Variants in GPC5 observed in about 807,000 individuals in gnomAD.
GPC5 encodes glypican 5, also known as glypican-5.
In GPC5, 47 loss-of-function variants were observed where a neutral mutation model predicts 53.9. The observed-to-expected ratio is 0.87, with a 90% CI of 0.69 to 1.11. GPC5 has a LOEUF of 1.11. GPC5 is among the 50% of genes most tolerant of loss of function. The pLI, the probability that GPC5 is intolerant of heterozygous loss-of-function variation, is 0.00. For synonymous variants in GPC5, 286 were observed against 263.3 expected (o/e 1.09, Z -0.84); for missense variants, 748 against 713.1 (o/e 1.05, Z -0.56).
chr13:92,106,496 T>C (rs528588340), intron 6 of GPC5, among the ~76,000 whole-genome samples: 6 of 152,132 alleles, frequency 3.9e-5, no homozygotes, highest in African/African-American at 1.4e-4. Context: ...TCACGAAACA[T>C]GCTTAAGACA....
intron 6 of GPC5, among the ~76,000 whole-genome samples, chr13:92,089,101 G>A (rs1473300236): frequency 6.6e-6 from 1 of 152,136 alleles, no homozygotes; most frequent in Admixed American, 6.5e-5. Flanking sequence ...CGGAAAAATA[G>A]AAAATGTGTA....
At chr13:91,519,539 T>C (rs1415961499) in intron 2 of GPC5, among the ~76,000 whole-genome samples, 1 of 152,218 alleles carries the variant, frequency 6.6e-6, no homozygotes, top group Non-Finnish European at 1.5e-5. Context: ...TGTCTCCTTC[T>C]TCGGCCATGT....
intron 7 of GPC5, among the ~76,000 whole-genome samples, chr13:92,216,661 G>A (rs571378158): frequency 6.6e-6 from 1 of 152,128 alleles, no homozygotes; most frequent in Non-Finnish European, 1.5e-5. Flanking sequence ...TTACCAATGA[G>A]GGGAATGAAA....
chr13:92,220,573 A>C (rs533398021), intron 7 of GPC5, among the ~76,000 whole-genome samples: 1 of 152,336 alleles, frequency 6.6e-6, no homozygotes, highest in Admixed American at 6.5e-5. Context: ...ACTTAACTAT[A>C]CAGGCAACAG....
At chr13:91,679,360 A>G (rs1386823623) in intron 2 of GPC5, among the ~76,000 whole-genome samples, 2 of 152,134 alleles carry the variant, frequency 1.3e-5, no homozygotes, top group Non-Finnish European at 1.5e-5. Flanking sequence ...CAAAATAAGG[A>G]GGTCAGAAAG....
intron 7 of GPC5, among the ~76,000 whole-genome samples, chr13:92,188,712 TAAAA>T (rs1038992379): frequency 2.6e-5 from 4 of 152,202 alleles, no homozygotes; most frequent in African/African-American, 9.6e-5. Flanking sequence ...ATAAAATAAA[TAAAA>T]ATTCAGCAAT....
At chr13:92,240,140 T>A (rs2042600887) in intron 7 of GPC5, 1 of 152,134 alleles carries the variant, frequency 6.6e-6, no homozygotes, top group South Asian at 2.1e-4. Context: ...ACTATTCTAA[T>A]ACTGATGTTG....
At chr13:91,446,306 G>A (rs1880799366) in intron 1 of GPC5, among the ~76,000 whole-genome samples, 1 of 152,164 alleles carries the variant, frequency 6.6e-6, no homozygotes, top group Admixed American at 6.5e-5. Context: ...CACTACTGCT[G>A]CTTCTGGGTG....
intron 7 of GPC5, among the ~76,000 whole-genome samples, chr13:92,647,939 G>C (rs1397938317): frequency 6.6e-6 from 1 of 151,876 alleles, no homozygotes; most frequent in African/African-American, 2.4e-5. Context: ...TTGTTCCAAG[G>C]GGAGATTATT....
chr13:91,502,196 G>A (rs1027828698), intron 2 of GPC5, among the ~76,000 whole-genome samples: 1 of 151,960 alleles, frequency 6.6e-6, no homozygotes, highest in Non-Finnish European at 1.5e-5. Context: ...TCTGTAGGTT[G>A]CCTGTTCACT....
At chr13:92,333,602 G>A (rs2043302797) in intron 7 of GPC5, among the ~76,000 whole-genome samples, 1 of 152,030 alleles carries the variant, frequency 6.6e-6, no homozygotes, top group Non-Finnish European at 1.5e-5. Context: ...AAAAGACTGA[G>A]ACTGAATCAC....
At chr13:92,197,221 AATAAG>A (rs1285778614) in intron 7 of GPC5, among the ~76,000 whole-genome samples, 1 of 152,152 alleles carries the variant, frequency 6.6e-6, no homozygotes, top group Non-Finnish European at 1.5e-5. Flanking sequence ...AAAAAAAAAT[AATAAG>A]ATAAAAACCC....
intron 1 of GPC5, among the ~76,000 whole-genome samples, chr13:91,441,780 G>C (rs1880452284): frequency 6.6e-6 from 1 of 152,140 alleles, no homozygotes. Context: ...TGTATACAAA[G>C]AAGATAGTCT....
At chr13:91,523,738 C>T (rs1413667044) in intron 2 of GPC5, among the ~76,000 whole-genome samples, 1 of 152,188 alleles carries the variant, frequency 6.6e-6, no homozygotes, top group South Asian at 2.1e-4. Flanking sequence ...CACCCACAAA[C>T]ACACAGCACC....
rs191443650 is a variant in GPC5, at chr13:91,839,223, C to T, written c.1281-68714C>T. On this transcript the variant is annotated intron_variant, in intron 5 of 7. Coordinates refer to ENST00000377067, the MANE Select transcript of GPC5 (RefSeq NM_004466.6). ...CCACATTACAATGCATAGTAAATAA[C>T]AGCATCTATCTTTATAAACATATTG... Among the ~76,000 whole-genome samples the T allele has an allele frequency of 1.8e-3, 268 of 152,268 alleles. 2 individuals carry two copies. Among genetic ancestry groups the T allele is most frequent in the African/African-American group, 6.2e-3 (259 of 41,562 alleles).
intron 1 of GPC5, among the ~76,000 whole-genome samples, chr13:91,416,303 A>G (rs1021908616): frequency 1.3e-5 from 2 of 152,178 alleles, no homozygotes; most frequent in African/African-American, 4.8e-5. Flanking sequence ...GCTGCATTTT[A>G]CTTCTACTAG....
intron 7 of GPC5, among the ~76,000 whole-genome samples, chr13:92,548,486 A>G (rs1882202839): frequency 6.6e-6 from 1 of 151,822 alleles, no homozygotes; most frequent in Admixed American, 6.6e-5. Flanking sequence ...TTATTTTAAT[A>G]ATTGATAGCA....
intron 3 of GPC5, among the ~76,000 whole-genome samples, chr13:91,707,872 T>C (rs1566626333): frequency 1.3e-5 from 2 of 152,280 alleles, no homozygotes; most frequent in East Asian, 3.9e-4. Context: ...CATCACAGCA[T>C]ATTCCTAATA....
chr13:91,924,134 A>G (rs182720663), intron 6 of GPC5, among the ~76,000 whole-genome samples: 1 of 152,262 alleles, frequency 6.6e-6, no homozygotes, highest in Admixed American at 6.5e-5. Flanking sequence ...TTTGATGTGC[A>G]CTCTTTACAT....
Sources: gnomAD v4.1 joint callset for allele counts (sites outside exome capture counted in the v4.1 genomes callset) on GRCh38, gnomAD v4.1.1 for gene constraint, MANE v1.5 for transcripts, NCBI Gene and HGNC (gene_info 2026-07-23, HGNC 2026-07-21) for gene names.